Variants in USH2A observed in about 807,000 individuals in gnomAD.
USH2A encodes Usher syndrome 2A (autosomal recessive, mild).
Under a neutral mutation model 538.9 loss-of-function variants are expected in USH2A, and 443 were observed. The observed-to-expected ratio is 0.82, with a 90% CI of 0.76 to 0.89. USH2A has a LOEUF of 0.89. Among genes scored for constraint, USH2A ranks in the 40% least tolerant of loss-of-function variants. The pLI, the probability that USH2A is intolerant of heterozygous loss-of-function variation, is 0.00. For synonymous variants in USH2A, 2,413 were observed against 2,273.5 expected (o/e 1.06, Z -1.75); for missense variants, 6,633 against 6,324.8 (o/e 1.05, Z -1.65).
chr1:216,358,725 C>T (rs888878348), intron 4 of USH2A, among the ~76,000 whole-genome samples: 5 of 152,036 alleles, frequency 3.3e-5, no homozygotes, highest in African/African-American at 1.2e-4. Flanking sequence ...TCTCAGATGT[C>T]AAGAACATAA....
chr1:216,337,909 A>T (rs1326998218), intron 4 of USH2A, among the ~76,000 whole-genome samples: 1 of 151,432 alleles, frequency 6.6e-6, no homozygotes, highest in South Asian at 2.1e-4. Context: ...TACTATTTAC[A>T]ATAGCACCAA....
At chr1:216,116,115 T>TCTGTG (rs2033002249) in intron 21 of USH2A, among the ~76,000 whole-genome samples, 1 of 151,966 alleles carries the variant, frequency 6.6e-6, no homozygotes, top group African/African-American at 2.4e-5. Context: ...AAATAATAAC[T>TCTGTG]TTTTACGTAT....
chr1:216,213,441 A>G (rs1433800650), intron 15 of USH2A, among the ~76,000 whole-genome samples: 1 of 152,058 alleles, frequency 6.6e-6, no homozygotes, highest in East Asian at 1.9e-4. Flanking sequence ...GGTCAACTGC[A>G]TTTTTGCATA....
Position 215,647,552 on chromosome 1 carries a change from C to T in USH2A, c.14761G>A (p.Glu4921Lys), listed in dbSNP as rs754834155. The change falls in exon 67 of 72, where the codon GAG becomes AAG. Residue 4921 changes from glutamate (E) to lysine (K), a missense_variant. Coordinates refer to ENST00000307340, the MANE Select transcript of USH2A (RefSeq NM_206933.4). ...TTTTGGGTGGTGAAACTGATCCACT[C>T]GGAAGCCGTACTGCCCACCTCGTTG... ...AHNEVGSTAS[E>K]WISFTTQKEL... 1.4e-5 allele frequency: 23 copies of T among 1,614,004 alleles called. No homozygotes were observed. Among genetic ancestry groups the T allele is most frequent in the East Asian group, 6.7e-5 (3 of 44,886 alleles).
At chr1:216,275,314 A>G (rs919088055) in intron 11 of USH2A, among the ~76,000 whole-genome samples, 1 of 152,148 alleles carries the variant, frequency 6.6e-6, no homozygotes, top group African/African-American at 2.4e-5. Context: ...TGCAAAATTA[A>G]TATAGTAGTT....
At chr1:216,052,100 T>A (rs534458672) in intron 30 of USH2A, among the ~76,000 whole-genome samples, 1 of 152,298 alleles carries the variant, frequency 6.6e-6, no homozygotes, top group Middle Eastern at 3.4e-3. Flanking sequence ...TTTTATTAAT[T>A]TTAGCCACTC....
At chr1:215,691,981 C>G (rs962333172) in intron 61 of USH2A, among the ~76,000 whole-genome samples, 1 of 151,870 alleles carries the variant, frequency 6.6e-6, no homozygotes, top group African/African-American at 2.4e-5. Flanking sequence ...GGACAGCAGC[C>G]GAAAGGAAAT....
chr1:215,863,106 A>G (rs1252723804), intron 44 of USH2A, among the ~76,000 whole-genome samples: 1 of 152,170 alleles, frequency 6.6e-6, no homozygotes, highest in African/African-American at 2.4e-5. Context: ...ATTGGGGAAG[A>G]ATTATAGTCA....
At chr1:216,069,051 T>C (rs1288170084) in intron 30 of USH2A, among the ~76,000 whole-genome samples, 1 of 152,134 alleles carries the variant, frequency 6.6e-6, no homozygotes, top group Non-Finnish European at 1.5e-5. Flanking sequence ...AAGGAGCTAT[T>C]CTGGAAATAC....
chr1:215,887,862 C>G (rs531636030), intron 41 of USH2A, among the ~76,000 whole-genome samples: 2 of 152,312 alleles, frequency 1.3e-5, no homozygotes, highest in African/African-American at 4.8e-5. Flanking sequence ...AAAACTCCCT[C>G]CTGTTTGGTT....
At chr1:216,134,855 G>A (rs540855496) in intron 21 of USH2A, among the ~76,000 whole-genome samples, 1 of 152,218 alleles carries the variant, frequency 6.6e-6, no homozygotes, top group South Asian at 2.1e-4. Flanking sequence ...AGAATCGATG[G>A]CAAGTAAAGA....
chr1:216,336,687 G>C (rs1408176300), intron 4 of USH2A, among the ~76,000 whole-genome samples: 1 of 151,404 alleles, frequency 6.6e-6, no homozygotes, highest in Non-Finnish European at 1.5e-5. Context: ...TTCTTTCCAA[G>C]AACGGTCCTG....
intron 69 of USH2A, among the ~76,000 whole-genome samples, chr1:215,637,191 TCACCAA>T (rs1231091377): frequency 6.6e-6 from 1 of 152,094 alleles, no homozygotes; most frequent in Non-Finnish European, 1.5e-5. Flanking sequence ...CACTTCCCAT[TCACCAA>T]GGAAACTAGA....
chr1:216,233,930 G>A (rs965581588), intron 13 of USH2A, among the ~76,000 whole-genome samples: 4 of 152,088 alleles, frequency 2.6e-5, no homozygotes, highest in East Asian at 1.9e-4. Flanking sequence ...ACACAAGCCC[G>A]TGCAAAATGC....
chr1:216,086,440 A>C, intron 24 of USH2A, among the ~76,000 whole-genome samples: 1 of 152,130 alleles, frequency 6.6e-6, no homozygotes, highest in Non-Finnish European at 1.5e-5. Flanking sequence ...TAGGTCCTAA[A>C]ATAACATACC....
chr1:215,991,840 A>C (rs1469801858), intron 35 of USH2A, among the ~76,000 whole-genome samples: 2 of 152,238 alleles, frequency 1.3e-5, no homozygotes, highest in Non-Finnish European at 2.9e-5. Flanking sequence ...AATCCAATTG[A>C]AATAAATCAT....
intron 50 of USH2A, 57 bp from the exon 51 acceptor site, chr1:215,790,339 G>A: frequency 6.3e-7 from 1 of 1,587,104 alleles, no homozygotes; most frequent in South Asian, 1.1e-5. Context: ...AGAAAACTGA[G>A]GCTGCTATAA....
chr1:216,183,894 G>C (rs376140550), intron 20 of USH2A, among the ~76,000 whole-genome samples: 2 of 151,988 alleles, frequency 1.3e-5, no homozygotes, highest in Non-Finnish European at 2.9e-5. Context: ...TGAACCGAAA[G>C]CTTTTAATCA....
chr1:216,224,390 T>C (rs890984765), intron 14 of USH2A, among the ~76,000 whole-genome samples: 9 of 152,224 alleles, frequency 5.9e-5, no homozygotes, highest in Admixed American at 2.6e-4. Context: ...TTTGCATTAT[T>C]GATTTTTCAG....
Sources: gnomAD v4.1 joint callset for allele counts (sites outside exome capture counted in the v4.1 genomes callset) on GRCh38, gnomAD v4.1.1 for gene constraint, MANE v1.5 for transcripts, NCBI Gene and HGNC (gene_info 2026-07-23, HGNC 2026-07-21) for gene names.